The following ERCC4 variants were observed in gnomAD, a reference collection of about 807,000 sequenced individuals.
The protein encoded by ERCC4 is ERCC excision repair 4, endonuclease catalytic subunit.
ERCC4 carries 65 observed loss-of-function variants against 76.9 expected under a neutral mutation model. The ratio of observed to expected loss-of-function variants is 0.84; its 90% CI spans 0.69 to 1.04. ERCC4 has a LOEUF of 1.04. ERCC4 is among the 50% of genes least tolerant of loss of function. The pLI is 0.00. For missense variants in ERCC4, 1,214 were observed against 1,128.2 expected (o/e 1.08, Z -1.09); for synonymous variants, 463 against 410.1 (o/e 1.13, Z -1.56).
intron 7 of ERCC4, 136 bp downstream of exon 7, chr16:13,934,438 A>AT: frequency 1.4e-6 from 1 of 703,798 alleles, no homozygotes; most frequent in Non-Finnish European, 2.6e-6. Flanking sequence ...AAACACTGCT[A>AT]TTTTATCTAT....
chr16:13,940,167 A>G (rs891465626), intron 9 of ERCC4, among the ~76,000 whole-genome samples: 1 of 152,276 alleles, frequency 6.6e-6, no homozygotes, highest in Non-Finnish European at 1.5e-5. Context: ...CGGGCAGATC[A>G]CTTGAAGTCA....
intron 9 of ERCC4, among the ~76,000 whole-genome samples, chr16:13,943,655 A>C (rs1337568953): frequency 6.6e-6 from 1 of 152,100 alleles, no homozygotes; most frequent in Non-Finnish European, 1.5e-5. Flanking sequence ...CCCTTGTTGA[A>C]ATTAATTAAC....
chr16:13,942,183 A>G (rs1321614216), intron 9 of ERCC4, among the ~76,000 whole-genome samples: 1 of 152,272 alleles, frequency 6.6e-6, no homozygotes, highest in Non-Finnish European at 1.5e-5. Context: ...TGTGTCTGTC[A>G]CATAGGGGAA....
At chr16:13,928,434 ACT>A (rs1418717161) in intron 4 of ERCC4, among the ~76,000 whole-genome samples, 199 bp downstream of exon 4, 1 of 152,140 alleles carries the variant, frequency 6.6e-6, no homozygotes, top group Non-Finnish European at 1.5e-5. Context: ...TATAAGCATC[ACT>A]CTGACTTTTG....
chr16:13,931,031 C>G (rs747384072), intron 5 of ERCC4, 141 bp downstream of exon 5: 4 of 683,022 alleles, frequency 5.9e-6, no homozygotes, highest in Non-Finnish European at 1.0e-5. Flanking sequence ...GTTCATAGCA[C>G]AAAGATGTAG....
chr16:13,920,253 G>T lies in ERCC4; in HGVS notation c.88G>T (p.Asp30Tyr). ...RQLVLELLDT[D>Y]GLVVCARGLG... ...GCTGGTGCTGGAACTGCTCGACACT[G>T]ACGGGCTAGTAGTGTGCGCCCGCGG... The change falls in exon 1 of 11, where the codon GAC becomes TAC. Residue 30 changes from aspartate to tyrosine, a missense_variant. By Grantham distance (160) the Asp-to-Tyr change is radical. Transcript: ENST00000311895. 1 of 1,607,606 alleles carries T rather than the reference G, an allele frequency of 6.2e-7. No individual in the cohort carries two copies. Among genetic ancestry groups the T allele is most frequent in the Non-Finnish European group, 8.5e-7 (1 of 1,179,922 alleles).
chr16:13,950,353 C>G lies in ERCC4; in HGVS notation c.*2006C>G, dbSNP rs1024905585. The G allele has an allele frequency of 4.3e-5, 8 of 187,338 alleles. No homozygotes were observed. Among genetic ancestry groups the G allele is most frequent in the African/African-American group, 1.9e-4 (8 of 42,716 alleles). 11.6% of individuals were successfully genotyped at this position (187,338 alleles called of 1,614,324 possible). On this transcript the variant is annotated 3_prime_UTR_variant, in exon 11 of 11. Coordinates refer to ENST00000311895, the MANE Select transcript of ERCC4 (RefSeq NM_005236.3). ...CTTAACAGTATATATGGATTTTGAA[C>G]TCTACACAAGGGTATAACCAGAATG...
Position 13,926,432 on chromosome 16 carries a change from T to A in ERCC4, c.389-129T>A, listed in dbSNP as rs1400931457. On this transcript the variant is annotated intron_variant, in intron 2 of 10. Coordinates refer to ENST00000311895, the MANE Select transcript of ERCC4 (RefSeq NM_005236.3). ...TGAGGACAGGGATTTATCTCTGTTC[T>A]GTGCGTGGCTATATGCCCAGTCTAG... is the stretch of plus-strand genomic sequence containing the variant. The A allele has an allele frequency of 3.8e-6, 3 of 782,826 alleles. No homozygotes were observed. The East Asian group carries it at 7.4e-5, about 19-fold the overall frequency. 48.5% of individuals were successfully genotyped at this position (782,826 alleles called of 1,614,324 possible).
intron 9 of ERCC4, among the ~76,000 whole-genome samples, chr16:13,941,232 AT>A (rs1312459110): frequency 6.6e-6 from 1 of 152,138 alleles, no homozygotes; most frequent in East Asian, 1.9e-4. Flanking sequence ...TTTTAACATA[AT>A]TTTATCTGTT....
intron 6 of ERCC4, chr16:13,932,809 CT>C: frequency 5.5e-6 from 1 of 183,164 alleles, no homozygotes; most frequent in East Asian, 1.7e-4. Flanking sequence ...CTTTGGGAGG[CT>C]GAGGCAGGCC....
chr16:13,931,600 T>C (rs756739873), intron 5 of ERCC4: 20 of 157,340 alleles, frequency 1.3e-4, no homozygotes, highest in Middle Eastern at 3.3e-3. Flanking sequence ...TACCTGTAGA[T>C]ATCCAAATGT....
Position 13,922,065 on chromosome 16 carries a change from T to C in ERCC4, c.242T>C (p.Val81Ala), listed in dbSNP as rs1436380060. ...YFINQLKIEGVEHLPRRVTNE... is the reference protein window; with the variant it reads ...YFINQLKIEGAEHLPRRVTNE... ...ATCAATCAGCTGAAGATAGAAGGAG[T>C]TGAACACCTCCCTCGCCGTGTAACA... Residue 81 changes from valine to alanine, a missense_variant, in exon 2 of 11, where the codon GTT becomes GCT. Physicochemically the swap from Val to Ala is moderately conservative, Grantham distance 64. Transcript: ENST00000311895. 1.2e-6 allele frequency: 2 copies of C among 1,613,640 alleles called. No individual in the cohort carries two copies. Among genetic ancestry groups the C allele is most frequent in the Non-Finnish European group, 1.7e-6 (2 of 1,179,792 alleles).
At chr16:13,934,667 G>A in intron 7 of ERCC4, 1 of 260,084 alleles carries the variant, frequency 3.8e-6, no homozygotes, top group Non-Finnish European at 7.4e-6. Context: ...ATAAACTAAT[G>A]GGTCTCCTGT....
At position 13,920,273 on chromosome 16, in the gene ERCC4, C is replaced by T; in HGVS notation, c.108C>T (p.Ala36=). Residue 36 remains alanine (A), a synonymous_variant, in exon 1 of 11, where the codon GCC becomes GCT. Coordinates refer to ENST00000311895, the MANE Select transcript of ERCC4 (RefSeq NM_005236.3). ...ACACTGACGGGCTAGTAGTGTGCGC[C>T]CGCGGGCTCGGCGCGGACCGGCTCC... ...LLDTDGLVVC[A]RGLGADRLLY... 6.2e-7 allele frequency: 1 copy of T among 1,606,512 alleles called. No individual in the cohort carries two copies. The highest frequency in any genetic ancestry group is 2.2e-5 in the East Asian group (1 of 44,870).
At chr16:13,938,118 A>T (rs1427097356) in intron 9 of ERCC4, among the ~76,000 whole-genome samples, 1 of 152,062 alleles carries the variant, frequency 6.6e-6, no homozygotes, top group East Asian at 1.9e-4. Context: ...GACAAAGACA[A>T]CTGCTTTTTT....
intron 9 of ERCC4, among the ~76,000 whole-genome samples, chr16:13,941,651 A>G (rs2032415170): frequency 6.6e-6 from 1 of 152,224 alleles, no homozygotes. Context: ...GGAAAAGATT[A>G]CACTGCTAAA....
chr16:13,943,045 A>C lies in ERCC4; in HGVS notation c.1905-1678A>C, dbSNP rs373174957. Reference sequence around the variant, plus strand: ...ATGAGAAAAACATGGAACTGAAACCATTGTCTGCCCCCTTGTGATCTACTT... The same window carrying C: ...ATGAGAAAAACATGGAACTGAAACCCTTGTCTGCCCCCTTGTGATCTACTT... On this transcript the variant is annotated intron_variant, in intron 9 of 10. Transcript: ENST00000311895. Among the ~76,000 whole-genome samples, 10 of 152,334 alleles carry C rather than the reference A, an allele frequency of 6.6e-5. No homozygotes were observed. In the East Asian group the frequency reaches 1.2e-3, roughly 18 times the overall value.
intron 1 of ERCC4, among the ~76,000 whole-genome samples, chr16:13,921,101 A>G (rs1343186968): frequency 6.6e-6 from 1 of 152,176 alleles, no homozygotes; most frequent in Non-Finnish European, 1.5e-5. Flanking sequence ...CTGAAAGGGA[A>G]CAGTGATGAG....
intron 2 of ERCC4, among the ~76,000 whole-genome samples, chr16:13,924,183 G>C (rs1379399890): frequency 6.6e-6 from 1 of 152,156 alleles, no homozygotes; most frequent in Non-Finnish European, 1.5e-5. Context: ...GTGAAGTGCA[G>C]GTAACCCTCT....
Sources: gnomAD v4.1 joint callset for allele counts (sites outside exome capture counted in the v4.1 genomes callset) on GRCh38, gnomAD v4.1.1 for gene constraint, MANE v1.5 for transcripts, NCBI Gene and HGNC (gene_info 2026-07-23, HGNC 2026-07-21) for gene names.